The following RABEPK variants were observed in gnomAD, a reference collection of about 807,000 sequenced individuals.
The protein encoded by RABEPK is 40 kDa Rab9 effector protein.
RABEPK carries 27 observed loss-of-function variants against 34.1 expected under a neutral mutation model. The observed-to-expected ratio is 0.79, with a 90% CI of 0.58 to 1.09. RABEPK has a LOEUF of 1.09. Ranked by LOEUF, RABEPK falls within the 50% of genes least tolerant of loss-of-function variation. The pLI, the probability that RABEPK is intolerant of heterozygous loss-of-function variation, is 0.00. For synonymous variants in RABEPK, 172 were observed against 169.2 expected (o/e 1.02, Z -0.13); for missense variants, 449 against 462.6 (o/e 0.97, Z 0.27).
At chr9:125,209,070 T>TTG (rs1369536023) in intron 3 of RABEPK, among the ~76,000 whole-genome samples, 1 of 151,272 alleles carries the variant, frequency 6.6e-6, no homozygotes, top group African/African-American at 2.4e-5. Context: ...TTTTTTTTTT[T>TTG]TTTTTGAGAC....
chr9:125,227,605 A>G (rs1281908235), intron 5 of RABEPK, among the ~76,000 whole-genome samples: 1 of 146,138 alleles, frequency 6.8e-6, no homozygotes, highest in Non-Finnish European at 1.5e-5. Context: ...TTTTTTTTGT[A>G]TTTTTAGTAG....
chr9:125,208,965 A>ATACAGT (rs377684426), intron 3 of RABEPK, among the ~76,000 whole-genome samples: 78 of 151,828 alleles, frequency 5.1e-4, no homozygotes, highest in African/African-American at 1.6e-3. Context: ...TTTACCCCCT[A>ATACAGT]TACAGTGCAT....
chr9:125,218,550 T>A (rs1167227012), intron 4 of RABEPK, among the ~76,000 whole-genome samples: 1 of 152,118 alleles, frequency 6.6e-6, no homozygotes, highest in African/African-American at 2.4e-5. Flanking sequence ...TGCATCTGCT[T>A]CTATAAAACC....
At position 125,233,703 on chromosome 9, in the gene RABEPK, C is replaced by T. The variant is rs754125808; in HGVS notation, c.842C>T (p.Thr281Ile). The T allele has an allele frequency of 1.9e-6, 3 of 1,613,564 alleles. No homozygotes were observed. The highest frequency in any genetic ancestry group is 2.5e-6 in the Non-Finnish European group (3 of 1,179,750). The change falls in exon 8 of 8, where the codon ACC becomes ATC. Residue 281 changes from threonine to isoleucine, a missense_variant. Transcript: ENST00000373538. ...YQYHTEEQHW[T>I]LLKFDTLLPP... is the part of the protein sequence containing the mutation. ...CCCAACATAGAAGAGCAGCATTGGACCTTGCTTAAATTTGATACTCTTCTA... is the reference window on the plus strand; with the variant it reads ...CCCAACATAGAAGAGCAGCATTGGATCTTGCTTAAATTTGATACTCTTCTA...
rs759450340 is a variant in RABEPK at position 125,232,584 on chromosome 9, T to C, written c.677-12T>C. On this transcript the variant is annotated splice_polypyrimidine_tract_variant and intron_variant, in intron 6 of 7. Transcript: ENST00000373538. ...CCCATGCTGCGCCAAAGCTCTTTCT[T>C]TCTCTTGGCAGGTGACATGAAATGG... 4 of 1,607,710 alleles carry C rather than the reference T, an allele frequency of 2.5e-6. No homozygotes were observed. The highest frequency in any genetic ancestry group is 1.7e-5 in the Admixed American group (1 of 58,828).
chr9:125,206,087 G>T (rs958434346), intron 2 of RABEPK, among the ~76,000 whole-genome samples: 12 of 152,094 alleles, frequency 7.9e-5, no homozygotes, highest in African/African-American at 2.9e-4. Context: ...CAAGAAGCGA[G>T]GAGAGGTCAG....
In RABEPK at chr9:125,203,004, A is replaced by G. The variant is rs1398808513; in HGVS notation, c.-6-4A>G. 1.5e-5 allele frequency: 25 copies of G among 1,613,408 alleles called. No homozygotes were observed. The highest frequency in any genetic ancestry group is 4.0e-5 in the African/African-American group (3 of 74,910). Reference sequence around the variant, plus strand: ...TAAAAAGTGCCTTTCTTTCTTATGCATAGGACACCATGAAGCAACTGCCAG... The same window carrying G: ...TAAAAAGTGCCTTTCTTTCTTATGCGTAGGACACCATGAAGCAACTGCCAG... On this transcript the variant is annotated splice_region_variant and splice_polypyrimidine_tract_variant and intron_variant, in intron 1 of 7. Coordinates refer to ENST00000373538, the MANE Select transcript of RABEPK (RefSeq NM_005833.4).
intron 4 of RABEPK, among the ~76,000 whole-genome samples, chr9:125,219,172 CTT>C (rs11349958): frequency 1.4e-3 from 166 of 122,422 alleles, no homozygotes; most frequent in African/African-American, 3.6e-3. Context: ...ATAGTATTGT[CTT>C]TTTTTTTTTT....
chr9:125,215,207 T>G (rs1588362111), intron 4 of RABEPK, among the ~76,000 whole-genome samples: 1 of 150,716 alleles, frequency 6.6e-6, no homozygotes, highest in Non-Finnish European at 1.5e-5. Flanking sequence ...ATAGGTGGGT[T>G]TTTTTTTTTT....
chr9:125,214,601 C>T (rs746478212), intron 4 of RABEPK, among the ~76,000 whole-genome samples: 41 of 152,082 alleles, frequency 2.7e-4, no homozygotes, highest in African/African-American at 8.0e-4. Context: ...TTGGGAACGT[C>T]GCTACTGAGA....
At chr9:125,224,187 C>A in intron 5 of RABEPK, among the ~76,000 whole-genome samples, 1 of 148,068 alleles carries the variant, frequency 6.8e-6, no homozygotes, top group South Asian at 2.2e-4. Flanking sequence ...CAGAGCAACA[C>A]TCTATCTCAA....
chr9:125,209,914 C>T (rs975400551), intron 3 of RABEPK, among the ~76,000 whole-genome samples: 1 of 152,160 alleles, frequency 6.6e-6, no homozygotes, highest in African/African-American at 2.4e-5. Flanking sequence ...GTCTCATGTG[C>T]TCTTCCATCC....
chr9:125,213,777 G>A (rs2131387467), intron 4 of RABEPK, among the ~76,000 whole-genome samples: 1 of 152,292 alleles, frequency 6.6e-6, no homozygotes, highest in African/African-American at 2.4e-5. Context: ...TCAGAGAACA[G>A]CTATATCAAG....
Position 125,225,111 on chromosome 9 carries a change from G to A in RABEPK, c.527-2799G>A, listed in dbSNP as rs117344664. Among the ~76,000 whole-genome samples the A allele has an allele frequency of 9.7e-4, 148 of 152,224 alleles. 2 individuals carry two copies. In the East Asian group the frequency reaches 0.027, roughly 28 times the overall value. On this transcript the variant is annotated intron_variant, in intron 5 of 7. Coordinates refer to ENST00000373538, the MANE Select transcript of RABEPK (RefSeq NM_005833.4). ...TCTAAAAATAATAATAAGACTGGGT[G>A]TGGTGGCTGACACCTGCAATCCCAG...
chr9:125,227,364 A>G (rs1588404468), intron 5 of RABEPK, among the ~76,000 whole-genome samples: 1 of 151,852 alleles, frequency 6.6e-6, no homozygotes, highest in Non-Finnish European at 1.5e-5. Context: ...AGGGGCAGGC[A>G]TGTTTGGTAG....
intron 4 of RABEPK, 52 bp from the exon 5 acceptor site, chr9:125,220,487 C>T (rs1831245894): frequency 6.6e-7 from 1 of 1,519,112 alleles, no homozygotes; most frequent in South Asian, 1.2e-5. Context: ...GAGTCAAGGT[C>T]AGAAGCCCCT....
intron 3 of RABEPK, among the ~76,000 whole-genome samples, chr9:125,210,837 A>C (rs1399441571): frequency 1.4e-5 from 2 of 144,620 alleles, no homozygotes; most frequent in Non-Finnish European, 3.0e-5. Context: ...TTTTAATCTT[A>C]AGTTTTGTTT....
rs752219853 is a variant in RABEPK, at chr9:125,220,641, G to C, written c.467G>C (p.Gly156Ala). Reference sequence around the variant, plus strand: ...ATTGGAAACCAGCTATATGTCTTTGGGGGCGGAGAGAGAGGTGCCCAGCCC... The same window carrying C: ...ATTGGAAACCAGCTATATGTCTTTGCGGGCGGAGAGAGAGGTGCCCAGCCC... ...AAIGNQLYVF[G>A]GGERGAQPVQ... Residue 156 changes from glycine to alanine, a missense_variant, in exon 5 of 8, where the codon GGG (glycine) becomes GCG (alanine). Coordinates refer to ENST00000373538, the MANE Select transcript of RABEPK (RefSeq NM_005833.4). The C allele has an allele frequency of 1.4e-5, 22 of 1,614,076 alleles. No homozygotes were observed. Among genetic ancestry groups the C allele is most frequent in the Non-Finnish European group, 1.9e-5 (22 of 1,180,038 alleles).
At chr9:125,225,701 C>G (rs936465350) in intron 5 of RABEPK, among the ~76,000 whole-genome samples, 2 of 152,080 alleles carry the variant, frequency 1.3e-5, no homozygotes, top group Non-Finnish European at 2.9e-5. Flanking sequence ...TGGCTAACGC[C>G]TGTAATCCCA....
Sources: gnomAD v4.1 joint callset for allele counts (sites outside exome capture counted in the v4.1 genomes callset) on GRCh38, gnomAD v4.1.1 for gene constraint, MANE v1.5 for transcripts, NCBI Gene and HGNC (gene_info 2026-07-23, HGNC 2026-07-21) for gene names.